Variants in FDPS observed in about 807,000 individuals in gnomAD.
The protein encoded by FDPS is farnesyl pyrophosphate synthase.
Under a neutral mutation model 49.5 loss-of-function variants are expected in FDPS, and 29 were observed. The observed-to-expected ratio is 0.59, with a 90% CI of 0.44 to 0.80. The LOEUF (loss-of-function observed/expected upper bound fraction) is 0.80. Among genes scored for constraint, FDPS ranks in the 30% least tolerant of loss-of-function variants. The probability of loss-of-function intolerance (pLI) is 0.00; values close to 1 mark genes in which losing one functional copy is unlikely to be tolerated. For synonymous variants in FDPS, 172 were observed against 206.4 expected, an observed-to-expected ratio of 0.83 and a Z score of 1.43; for missense variants, 414 against 525.6, an observed-to-expected ratio of 0.79 and a Z score of 2.08.
At chr1:155,312,478 T>A in intron 4 of FDPS, 83 bp downstream of exon 4, 1 of 1,437,380 alleles carries the variant, frequency 7.0e-7, no homozygotes, top group Non-Finnish European at 9.6e-7. Flanking sequence ...GCCTGAAACT[T>A]ATTTCTGGGT....
chr1:155,319,970 G>T (rs1650107093), intron 10 of FDPS, 42 bp downstream of exon 10: 7 of 1,605,678 alleles, frequency 4.4e-6, no homozygotes, highest in Admixed American at 1.7e-5. Context: ...TGGTGGAAAG[G>T]GATAGAGCAG....
At position 155,315,544 on chromosome 1, in the gene FDPS, A is replaced by C. The variant is rs1490952584; in HGVS notation, c.481-2397A>C. Among the ~76,000 whole-genome samples the C allele has an allele frequency of 2.6e-5, 4 of 151,956 alleles. No homozygotes were observed. The South Asian group carries it at 8.3e-4, about 32-fold the overall frequency. ...AATACAAAAAAAATATTAGCCGGGC[A>C]TGGTGGCAGGCGCCTGTAGTCCCAG... On this transcript the variant is annotated intron_variant, in intron 4 of 10. Coordinates refer to ENST00000368356, the MANE Select transcript of FDPS (RefSeq NM_002004.4).
At position 155,319,879 on chromosome 1, in the gene FDPS, T is replaced by C; in HGVS notation, c.1010T>C (p.Val337Ala). The change falls in exon 10 of 11, where the codon GTG becomes GCG. Residue 337 changes from valine (V) to alanine (A), a missense_variant. Transcript: ENST00000368356. ...CAGGACAACAAATGCAGCTGGCTGG[T>C]GGTTCAGTGTCTGCAACGGGCCACT... ...DIQDNKCSWL[V>A]VQCLQRATPE... 1 of 1,614,120 alleles carries C rather than the reference T, an allele frequency of 6.2e-7. No homozygotes were observed. Among genetic ancestry groups the C allele is most frequent in the Non-Finnish European group, 8.5e-7 (1 of 1,180,020 alleles).
intron 8 of FDPS, 122 bp downstream of exon 8, chr1:155,319,050 G>C: frequency 2.7e-6 from 2 of 733,792 alleles, no homozygotes; most frequent in Admixed American, 2.3e-5. Context: ...TGAGCAAGTC[G>C]GTCTCGCTCA....
rs1405824273 is a variant in FDPS, at chr1:155,320,574, G to T, written c.1225G>T (p.Gly409Trp). The change falls in exon 11 of 11, where the codon GGG (glycine) becomes TGG (tryptophan). Residue 409 changes from glycine (G) to tryptophan (W), a missense_variant. By Grantham distance (184) the Gly-to-Trp change is radical. Coordinates refer to ENST00000368356, the MANE Select transcript of FDPS (RefSeq NM_002004.4). ...AAPLPPAVFL[G>W]LARKIYKRRK ...ACCCCTGCCCCCAGCCGTCTTTCTG[G>T]GGCTTGCGCGCAAAATCTACAAGCG... 1 of 1,614,140 alleles carries T rather than the reference G, an allele frequency of 6.2e-7. No homozygotes were observed. Among genetic ancestry groups the T allele is most frequent in the South Asian group, 1.1e-5 (1 of 91,076 alleles).
chr1:155,315,669 G>C (rs1649279284), intron 4 of FDPS, among the ~76,000 whole-genome samples: 1 of 151,560 alleles, frequency 6.6e-6, no homozygotes, highest in African/African-American at 2.4e-5. Context: ...GGCAACAAGA[G>C]CGAGACTCTG....
Position 155,318,464 on chromosome 1 carries a change from C to T in FDPS, c.684+173C>T, listed in dbSNP as rs1649759049. 1.1e-6 allele frequency: 1 copy of T among 874,288 alleles called. No individual in the cohort carries two copies. The highest frequency in any genetic ancestry group is 1.5e-5 in the South Asian group (1 of 67,052). 54.2% of individuals were successfully genotyped at this position (874,288 alleles called of 1,614,324 possible). ...TTGTGGTAGTGGCAAGAAAGGGCTT[C>T]TCTGTCCTGTGTAATTGGAAGAAAG... On this transcript the variant is annotated intron_variant, in intron 6 of 10. Coordinates refer to ENST00000368356, the MANE Select transcript of FDPS (RefSeq NM_002004.4). This position sits in a 1 kb window ranked among gnomAD's most constrained non-coding sequence, Gnocchi z 4.2.
At chr1:155,311,953 CAG>C (rs879848217) in intron 3 of FDPS, among the ~76,000 whole-genome samples, 5 of 151,990 alleles carry the variant, frequency 3.3e-5, no homozygotes, top group South Asian at 4.2e-4. Flanking sequence ...GCCTGGGTAA[CAG>C]AGAGAGAATT....
Position 155,318,372 on chromosome 1 carries a change from T to G in FDPS, c.684+81T>G. On this transcript the variant is annotated intron_variant, in intron 6 of 10. Transcript: ENST00000368356. The surrounding 1 kb of genome is among the most constrained non-coding windows in gnomAD (Gnocchi z 4.2). The stretch of plus-strand genomic sequence containing the variant: ...TATAGGACATGCTCATCTAGCTGGT[T>G]TCAGGGTACAGGATTGCAGCGTGCC... 2 of 1,564,798 alleles carry G rather than the reference T, an allele frequency of 1.3e-6. No homozygotes were observed. Among genetic ancestry groups the G allele is most frequent in the Non-Finnish European group, 1.7e-6 (2 of 1,149,382 alleles).
chr1:155,317,705 C>A, intron 4 of FDPS: 1 of 406,584 alleles, frequency 2.5e-6, no homozygotes, highest in Non-Finnish European at 4.4e-6. Context: ...AATAGCCAGG[C>A]ATGGGGTATG....
intron 1 of FDPS, 42 bp from the exon 2 acceptor site, chr1:155,309,747 C>A: frequency 6.8e-7 from 1 of 1,475,064 alleles, no homozygotes; most frequent in Non-Finnish European, 9.1e-7. Context: ...GTGCTTGCCC[C>A]TGCAGGGAGT....
intron 3 of FDPS, among the ~76,000 whole-genome samples, chr1:155,310,990 T>C (rs1648740241): frequency 6.6e-6 from 1 of 152,122 alleles, no homozygotes; most frequent in African/African-American, 2.4e-5. Context: ...GTCTATCTCA[T>C]ATATCTCAGG....
Position 155,318,728 on chromosome 1 carries a change from G to C in FDPS, c.748G>C (p.Asp250His), listed in dbSNP as rs1316970239. ...CCTCACAGCCCCCCAGGGCAATGTG[G>C]ATCTTGTCAGATTCACTGAAAAGAG... ...DLLTAPQGNV[D>H]LVRFTEKRYK... Residue 250 changes from aspartate (D) to histidine (H), a missense_variant, in exon 7 of 11, where the codon GAT becomes CAT. Coordinates refer to ENST00000368356, the MANE Select transcript of FDPS (RefSeq NM_002004.4). This position sits in a 1 kb window ranked among gnomAD's most constrained non-coding sequence, Gnocchi z 4.2. 1.2e-6 allele frequency: 2 copies of C among 1,613,412 alleles called. No homozygotes were observed. Among genetic ancestry groups the C allele is most frequent in the East Asian group, 4.5e-5 (2 of 44,878 alleles).
rs1220069486 is a variant in FDPS, at chr1:155,318,318, C to T, written c.684+27C>T. 19 of 1,606,036 alleles carry T rather than the reference C, an allele frequency of 1.2e-5. No homozygotes were observed. The highest frequency in any genetic ancestry group is 1.6e-5 in the Non-Finnish European group (19 of 1,179,888). ...TGTATTGCAGACAGGGCCCGATGCCCAGAGGGTGCCCATGGTAGCCTTGGC... is the reference window on the plus strand; with the variant it reads ...TGTATTGCAGACAGGGCCCGATGCCTAGAGGGTGCCCATGGTAGCCTTGGC... On this transcript the variant is annotated intron_variant, in intron 6 of 10. Transcript: ENST00000368356. This position sits in a 1 kb window ranked among gnomAD's most constrained non-coding sequence, Gnocchi z 4.2.
In FDPS at chr1:155,318,096, G is replaced by C; in HGVS notation, c.562-73G>C. The C allele has an allele frequency of 6.2e-7, 1 of 1,612,732 alleles. No individual in the cohort carries two copies. Among genetic ancestry groups the C allele is most frequent in the Non-Finnish European group, 8.5e-7 (1 of 1,178,768 alleles). Reference sequence around the variant, plus strand: ...GGTGGTTATATATGGCCTGGTTGAGGTGTTGGGGTGATGGCTCTTAGTATG... The same window carrying C: ...GGTGGTTATATATGGCCTGGTTGAGCTGTTGGGGTGATGGCTCTTAGTATG... On this transcript the variant is annotated intron_variant, in intron 5 of 10. Transcript: ENST00000368356. The surrounding 1 kb of genome is among the most constrained non-coding windows in gnomAD (Gnocchi z 4.2).
chr1:155,320,102 G>C, intron 10 of FDPS, 174 bp downstream of exon 10: 1 of 771,704 alleles, frequency 1.3e-6, no homozygotes, highest in Middle Eastern at 2.6e-4. Context: ...TAGTTGGCAG[G>C]AGCCAAAGAT....
At chr1:155,320,123 A>G (rs1191407494) in intron 10 of FDPS, 195 bp downstream of exon 10, 6 of 686,972 alleles carry the variant, frequency 8.7e-6, no homozygotes, top group Admixed American at 2.9e-5. Context: ...GTTGCCAAAC[A>G]TGTAGTACAC....
rs756248554 is a variant in FDPS, at chr1:155,318,152, T to A, written c.562-17T>A. The A allele has an allele frequency of 1.2e-6, 2 of 1,614,030 alleles. No individual in the cohort carries two copies. The highest frequency in any genetic ancestry group is 2.7e-5 in the African/African-American group (2 of 74,934). On this transcript the variant is annotated splice_polypyrimidine_tract_variant and intron_variant, in intron 5 of 10. Coordinates refer to ENST00000368356, the MANE Select transcript of FDPS (RefSeq NM_002004.4). The surrounding 1 kb of genome is among the most constrained non-coding windows in gnomAD (Gnocchi z 4.2). ...AGACTAGAGATTGATTGCTTGTTTT[T>A]CTGTCTGTCATGACAGCCGGGCGTG...
Position 155,318,764 on chromosome 1 carries a change from G to A in FDPS, c.773+11G>A, listed in dbSNP as rs771774600. The A allele has an allele frequency of 4.8e-5, 77 of 1,607,546 alleles. No individual in the cohort carries two copies. Among genetic ancestry groups the A allele is most frequent in the Non-Finnish European group, 6.5e-5 (76 of 1,174,136 alleles). ...ATTCACTGAAAAGAGGTGAGGGGAG[G>A]TGAGGGACAGCGCGAACCATGTCTG... is the stretch of plus-strand genomic sequence containing the variant. On this transcript the variant is annotated intron_variant, in intron 7 of 10. Transcript: ENST00000368356. The surrounding 1 kb of genome is among the most constrained non-coding windows in gnomAD (Gnocchi z 4.2).
Sources: gnomAD v4.1 joint callset for allele counts (sites outside exome capture counted in the v4.1 genomes callset) on GRCh38, gnomAD v4.1.1 for gene constraint, Gnocchi (gnomAD v3.1) non-coding constraint, MANE v1.5 for transcripts, NCBI Gene and HGNC (gene_info 2026-07-23, HGNC 2026-07-21) for gene names.